Variants in PCDH15 observed in about 807,000 individuals in gnomAD.
The protein encoded by PCDH15 is protocadherin related 15, also known as protocadherin-15.
A neutral mutation model predicts 178.5 loss-of-function variants in PCDH15; 129 were observed. The observed-to-expected ratio is 0.72, with a 90% CI of 0.63 to 0.84. The LOEUF is 0.84. Among genes scored for constraint, PCDH15 ranks in the 40% least tolerant of loss-of-function variants. PCDH15 has a pLI of 0.00. For missense variants in PCDH15, 2,230 were observed against 2,099.9 expected, an observed-to-expected ratio of 1.06 and a Z score of -1.21; for synonymous variants, 800 against 732.0, an observed-to-expected ratio of 1.09 and a Z score of -1.50.
At chr10:55,342,349 A>G (rs1371357758) in intron 2 of PCDH15, among the ~76,000 whole-genome samples, 1 of 152,048 alleles carries the variant, frequency 6.6e-6, no homozygotes, top group African/African-American at 2.4e-5. Flanking sequence ...AGTAGTTTAT[A>G]TAATTTGTTT....
intron 2 of PCDH15, among the ~76,000 whole-genome samples, chr10:55,352,103 A>C (rs548988871): frequency 1.3e-5 from 2 of 152,244 alleles, no homozygotes; most frequent in South Asian, 4.1e-4. Flanking sequence ...TCAAAGAGCT[A>C]ATGTTGGTGC....
At chr10:54,433,298 CA>C (rs1319680692) in intron 3 of PCDH15, among the ~76,000 whole-genome samples, 2 of 152,016 alleles carry the variant, frequency 1.3e-5, no homozygotes, top group Non-Finnish European at 2.9e-5. Flanking sequence ...TCACAAAAGC[CA>C]AGATTTGGAG....
intron 2 of PCDH15, among the ~76,000 whole-genome samples, chr10:55,145,067 A>G (rs1200417435): frequency 2.0e-5 from 3 of 152,048 alleles, no homozygotes; most frequent in African/African-American, 2.4e-5. Flanking sequence ...TCTGGAAAAA[A>G]CTTACCTTGG....
chr10:53,970,068 C>G (rs757624124), intron 21 of PCDH15, among the ~76,000 whole-genome samples: 1 of 151,998 alleles, frequency 6.6e-6, no homozygotes, highest in Non-Finnish European at 1.5e-5. Context: ...GACTGGCAAA[C>G]TGGATAAAGA....
chr10:55,203,319 T>C (rs182749553), intron 1 of PCDH15, among the ~76,000 whole-genome samples: 25 of 152,176 alleles, frequency 1.6e-4, no homozygotes, highest in Admixed American at 1.6e-3. Flanking sequence ...ATTATTACTA[T>C]TATTATAACA....
At chr10:53,924,107 G>A (rs2133905101) in intron 25 of PCDH15, among the ~76,000 whole-genome samples, 1 of 152,088 alleles carries the variant, frequency 6.6e-6, no homozygotes, top group East Asian at 1.9e-4. Flanking sequence ...TCAGCCCGCG[G>A]CTGCACTGTG....
chr10:54,504,717 A>C (rs972048480), intron 3 of PCDH15, among the ~76,000 whole-genome samples: 5 of 152,156 alleles, frequency 3.3e-5, no homozygotes, highest in Admixed American at 6.6e-5. Context: ...ATACATATAC[A>C]TATATACATA....
At chr10:54,436,204 G>C (rs113473092) in intron 3 of PCDH15, among the ~76,000 whole-genome samples, 3,975 of 151,584 alleles carry the variant, frequency 0.026, 179 homozygotes, top group African/African-American at 0.091. Context: ...GGAAAAGAAA[G>C]TAAGTCATAA....
At chr10:53,851,688 A>C (rs1192001931) in intron 28 of PCDH15, among the ~76,000 whole-genome samples, 10 of 25,662 alleles carry the variant, frequency 3.9e-4, no homozygotes, top group Non-Finnish European at 6.5e-4. Flanking sequence ...ATATATATAT[A>C]TATATATATA....
chr10:55,306,716 G>A lies in PCDH15; in HGVS notation c.-156+12883C>T, dbSNP rs552385685. ...AGAGATGCTTATTGATTGCCACAGG[G>A]GCAGAGTAAAGTGAAATCTTACATT... On this transcript the variant is annotated intron_variant, in intron 1 of 5. Coordinates refer to the PCDH15 transcript ENST00000458638. 1.1e-4 allele frequency among the ~76,000 whole-genome samples: 16 copies of A among 152,210 alleles called. No homozygotes were observed. The South Asian group carries it at 3.3e-3, about 32-fold the overall frequency.
chr10:55,345,872 T>C (rs1304500948), intron 2 of PCDH15, among the ~76,000 whole-genome samples: 1 of 152,132 alleles, frequency 6.6e-6, no homozygotes, highest in Non-Finnish European at 1.5e-5. Flanking sequence ...TTAGTAACAG[T>C]AATATGATAA....
chr10:55,493,508 CT>C (rs1427124595), intron 2 of PCDH15, among the ~76,000 whole-genome samples: 1 of 151,128 alleles, frequency 6.6e-6, no homozygotes, highest in Non-Finnish European at 1.5e-5. Flanking sequence ...TACCACTGAA[CT>C]CCAGCCTGGG....
intron 2 of PCDH15, among the ~76,000 whole-genome samples, chr10:55,356,962 A>G (rs1256458244): frequency 6.6e-6 from 1 of 151,928 alleles, no homozygotes; most frequent in Non-Finnish European, 1.5e-5. Flanking sequence ...ACTTCAAGGA[A>G]AGTTCTGCAG....
intron 2 of PCDH15, among the ~76,000 whole-genome samples, chr10:55,510,148 C>G (rs1052381607): frequency 6.6e-6 from 1 of 151,854 alleles, no homozygotes; most frequent in African/African-American, 2.4e-5. Flanking sequence ...TATATTAACT[C>G]TAAAAAATGT....
At chr10:53,987,513 G>A (rs1489173943) in intron 21 of PCDH15, among the ~76,000 whole-genome samples, 1 of 148,284 alleles carries the variant, frequency 6.7e-6, no homozygotes, top group African/African-American at 2.6e-5. Context: ...ATATAATTAA[G>A]GCACCATAAA....
chr10:53,827,691 TAA>T, intron 31 of PCDH15, 143 bp from the exon 32 acceptor site: 1 of 1,005,904 alleles, frequency 9.9e-7, no homozygotes, highest in Non-Finnish European at 1.5e-6. Flanking sequence ...TAAACAGATG[TAA>T]TTACAAAAGC....
At chr10:54,859,509 T>A (rs577925379) in intron 3 of PCDH15, among the ~76,000 whole-genome samples, 10 of 152,108 alleles carry the variant, frequency 6.6e-5, no homozygotes, top group Middle Eastern at 3.4e-3. Context: ...TACATGAACA[T>A]AACTAAAAAA....
At chr10:54,152,123 A>C (rs2044601113) in intron 14 of PCDH15, among the ~76,000 whole-genome samples, 1 of 152,222 alleles carries the variant, frequency 6.6e-6, no homozygotes, top group Non-Finnish European at 1.5e-5. Flanking sequence ...CTATGGCTGC[A>C]TTAATACCTC....
intron 8 of PCDH15, among the ~76,000 whole-genome samples, chr10:54,273,443 A>C (rs141752300): frequency 6.6e-6 from 1 of 152,174 alleles, no homozygotes; most frequent in Non-Finnish European, 1.5e-5. Flanking sequence ...TTGATGACCA[A>C]GTAAAGAGAA....
Sources: allele counts gnomAD v4.1 joint callset (sites outside exome capture counted in the v4.1 genomes callset), GRCh38; gene constraint gnomAD v4.1.1; transcripts MANE v1.5; gene names NCBI Gene and HGNC (gene_info 2026-07-23, HGNC 2026-07-21).